The following ANOS1 variants were observed in gnomAD, a reference collection of about 807,000 sequenced individuals.
The protein encoded by ANOS1 is anosmin 1.
Under a neutral mutation model 59.0 loss-of-function variants are expected in ANOS1, and 6 were observed. That is an observed-to-expected ratio of 0.10 (90% confidence interval 0.06 to 0.20). The LOEUF (loss-of-function observed/expected upper bound fraction) is 0.20. Among genes scored for constraint, ANOS1 ranks in the 10% least tolerant of loss-of-function variants. The probability of loss-of-function intolerance (pLI) is 1.00; values close to 1 mark genes in which losing one functional copy is unlikely to be tolerated. For missense variants in ANOS1, 433 were observed against 542.3 expected, an observed-to-expected ratio of 0.80 and a Z score of 2.00; for synonymous variants, 217 against 223.4, an observed-to-expected ratio of 0.97 and a Z score of 0.25.
chrX:8,570,319 A>T (rs775149921), intron 7 of ANOS1, among the ~76,000 whole-genome samples, 180 bp downstream of exon 7: 13 of 111,767 alleles, frequency 1.2e-4, no homozygotes, highest in Non-Finnish European at 5.6e-5. Context: ...AAAATATAAA[A>T]GGCAAAACAG....
At chrX:8,550,641 T>G (rs904368632) in intron 9 of ANOS1, among the ~76,000 whole-genome samples, 1 of 111,375 alleles carries the variant, frequency 9.0e-6, no homozygotes, top group African/African-American at 3.3e-5. Flanking sequence ...CAAAAATATG[T>G]CAAAGACTCT....
chrX:8,554,559 T>TGTTG (rs1454610503), intron 8 of ANOS1, among the ~76,000 whole-genome samples: 15 of 97,082 alleles, frequency 1.5e-4, no homozygotes, highest in African/African-American at 6.2e-4. Flanking sequence ...TTTTTTTTTT[T>TGTTG]TTTTTTTTTT....
intron 6 of ANOS1, among the ~76,000 whole-genome samples, chrX:8,579,718 GC>G (rs1161738922): frequency 4.1e-4 from 45 of 110,996 alleles, no homozygotes; most frequent in Admixed American, 9.6e-4. Context: ...AGCAAGCTCC[GC>G]CAGCATGCAG....
intron 1 of ANOS1, among the ~76,000 whole-genome samples, chrX:8,703,321 C>T (rs1251962303): frequency 8.9e-6 from 1 of 111,926 alleles, no homozygotes; most frequent in Non-Finnish European, 1.9e-5. Context: ...CCTGGGGTTC[C>T]AAAAGTAGGC....
chrX:8,716,805 A>G (rs1375929680), intron 1 of ANOS1, among the ~76,000 whole-genome samples: 1 of 112,341 alleles, frequency 8.9e-6, no homozygotes, highest in Non-Finnish European at 1.9e-5. Context: ...CAAGAAGCTA[A>G]GCCATGTCAT....
At chrX:8,662,376 T>A (rs1932054104) in intron 2 of ANOS1, among the ~76,000 whole-genome samples, 1 of 111,983 alleles carries the variant, frequency 8.9e-6, no homozygotes, top group Non-Finnish European at 1.9e-5. Flanking sequence ...GGGTTCTGCG[T>A]ATAACACCAC....
chrX:8,725,679 C>T (rs1490822230), intron 1 of ANOS1, among the ~76,000 whole-genome samples: 1 of 40,138 alleles, frequency 2.5e-5, no homozygotes, highest in Non-Finnish European at 4.0e-5. Context: ...TATATATATA[C>T]AGATATATAT....
intron 3 of ANOS1, among the ~76,000 whole-genome samples, chrX:8,612,629 A>G (rs2146837976): frequency 9.1e-6 from 1 of 109,442 alleles, no homozygotes; most frequent in South Asian, 3.9e-4. Flanking sequence ...TAGAGAATAC[A>G]TAACTTACCA....
intron 1 of ANOS1, among the ~76,000 whole-genome samples, chrX:8,727,459 G>T (rs1389879662): frequency 8.9e-6 from 1 of 112,396 alleles, no homozygotes; most frequent in Non-Finnish European, 1.9e-5. Context: ...GCATGATGGT[G>T]TGTTTGGTGG....
chrX:8,662,099 C>G, intron 2 of ANOS1, among the ~76,000 whole-genome samples: 1 of 111,712 alleles, frequency 9.0e-6, no homozygotes. Flanking sequence ...AGGCCTGAGG[C>G]ATCTGTAGTC....
chrX:8,570,554 A>C lies in ANOS1; in HGVS notation c.1007T>G (p.Val336Gly). 8.3e-7 allele frequency: 1 copy of C among 1,211,474 alleles called. No homozygotes were observed. Among genetic ancestry groups the C allele is most frequent in the Non-Finnish European group, 1.1e-6 (1 of 895,223 alleles). Reference sequence around the variant, plus strand: ...TGTTGGGACAAGAGACTTACTGCTGACCATCCAGCTCCAAAAGACCTTGTA... The same window carrying C: ...TGTTGGGACAAGAGACTTACTGCTGCCCATCCAGCTCCAAAAGACCTTGTA... ...HHYKVFWSWM[V>G]SSKSLVPTKK... Residue 336 changes from valine (V) to glycine (G), a missense_variant, in exon 7 of 14, where the codon GTC becomes GGC. Val to Gly is a moderately radical substitution (Grantham distance 109, BLOSUM62 -3). Transcript: ENST00000262648.
intron 6 of ANOS1, among the ~76,000 whole-genome samples, chrX:8,576,485 C>T (rs766102167): frequency 1.1e-4 from 11 of 104,243 alleles, no homozygotes; most frequent in South Asian, 4.2e-4. Flanking sequence ...CACACACACA[C>T]ACACATACAC....
At chrX:8,661,846 G>A (rs939377677) in intron 2 of ANOS1, among the ~76,000 whole-genome samples, 1 of 111,106 alleles carries the variant, frequency 9.0e-6, no homozygotes, top group African/African-American at 3.3e-5. Flanking sequence ...TTCTGCCAGA[G>A]TGCATGTGCT....
At chrX:8,715,121 G>C (rs754114455) in intron 1 of ANOS1, among the ~76,000 whole-genome samples, 2 of 112,470 alleles carry the variant, frequency 1.8e-5, no homozygotes, top group African/African-American at 6.5e-5. Context: ...TTAGAAGGAT[G>C]TCTGAAAAGT....
chrX:8,651,188 T>G (rs752532233), intron 2 of ANOS1, among the ~76,000 whole-genome samples: 10 of 112,361 alleles, frequency 8.9e-5, no homozygotes, highest in Non-Finnish European at 1.7e-4. Flanking sequence ...TAGCCCATGC[T>G]AGGACCTCAG....
chrX:8,680,245 G>T (rs191164714), intron 2 of ANOS1, among the ~76,000 whole-genome samples: 1,634 of 106,291 alleles, frequency 0.015, 31 homozygotes, highest in African/African-American at 0.054. Context: ...TAGAGACAGG[G>T]TCTCACTCTG....
intron 2 of ANOS1, among the ~76,000 whole-genome samples, chrX:8,640,454 C>G (rs941117878): frequency 2.7e-5 from 3 of 110,532 alleles, no homozygotes; most frequent in Non-Finnish European, 3.8e-5. Flanking sequence ...ATGGCCCCAC[C>G]GAATCAATTC....
chrX:8,702,279 G>T (rs1252830498), intron 1 of ANOS1, among the ~76,000 whole-genome samples: 1 of 112,228 alleles, frequency 8.9e-6, no homozygotes, highest in African/African-American at 3.2e-5. Context: ...ACAAATGATG[G>T]GCGTGGTTGA....
intron 1 of ANOS1, among the ~76,000 whole-genome samples, 183 bp from the exon 2 acceptor site, chrX:8,699,928 T>C (rs1300930781): frequency 8.9e-6 from 1 of 112,365 alleles, no homozygotes; most frequent in African/African-American, 3.2e-5. Flanking sequence ...AGTTTCATTT[T>C]GTTGTCGATT....
Sources: allele counts gnomAD v4.1 joint callset (sites outside exome capture counted in the v4.1 genomes callset), GRCh38; gene constraint gnomAD v4.1.1; transcripts MANE v1.5; gene names NCBI Gene and HGNC (gene_info 2026-07-23, HGNC 2026-07-21).